The following SLC8A1 variants were observed in gnomAD, a reference collection of about 807,000 sequenced individuals.
The protein encoded by SLC8A1 is solute carrier family 8 member A1.
Under a neutral mutation model 68.3 loss-of-function variants are expected in SLC8A1, and 18 were observed. The ratio of observed to expected loss-of-function variants is 0.26; its 90% confidence interval spans 0.18 to 0.39. The LOEUF (loss-of-function observed/expected upper bound fraction) is 0.39. Ranked by LOEUF, SLC8A1 falls within the 10% of genes least tolerant of loss-of-function variation. The probability of loss-of-function intolerance (pLI) is 1.00; values close to 1 mark genes in which losing one functional copy is unlikely to be tolerated. For missense variants in SLC8A1, 985 were observed against 1,156.7 expected, an observed-to-expected ratio of 0.85 and a Z score of 2.15; for synonymous variants, 475 against 415.5, an observed-to-expected ratio of 1.14 and a Z score of -1.74.
At chr2:40,148,505 A>G (rs1237499275) in intron 6 of SLC8A1, among the ~76,000 whole-genome samples, 1 of 152,180 alleles carries the variant, frequency 6.6e-6, no homozygotes, top group Non-Finnish European at 1.5e-5. Context: ...CAGTCTAATG[A>G]TGGCCTCGGT....
intron 7 of SLC8A1, among the ~76,000 whole-genome samples, chr2:40,129,076 C>T (rs1267867422): frequency 6.6e-6 from 1 of 152,114 alleles, no homozygotes; most frequent in Non-Finnish European, 1.5e-5. Flanking sequence ...TAGCAAGACT[C>T]AGTGAATTTA....
At chr2:40,471,671 T>C (rs11688289) in intron 1 of SLC8A1, among the ~76,000 whole-genome samples, 19,940 of 152,212 alleles carry the variant, frequency 0.13, 1,683 homozygotes, top group Middle Eastern at 0.23. Flanking sequence ...TGTCTGGAAA[T>C]ACCCTATTCA....
At chr2:40,384,787 A>C (rs1683035878) in intron 2 of SLC8A1, among the ~76,000 whole-genome samples, 1 of 152,124 alleles carries the variant, frequency 6.6e-6, no homozygotes, top group South Asian at 2.1e-4. Flanking sequence ...GGCATTTAAA[A>C]ATGTATTAGC....
intron 2 of SLC8A1, among the ~76,000 whole-genome samples, chr2:40,355,174 C>T (rs769653406): frequency 1.3e-5 from 2 of 152,124 alleles, no homozygotes; most frequent in African/African-American, 4.8e-5. Context: ...AACCCCTTCT[C>T]CCCCAAAAGC....
At chr2:40,195,651 G>A (rs1409225871) in intron 2 of SLC8A1, 1 of 152,024 alleles carries the variant, frequency 6.6e-6, no homozygotes, top group African/African-American at 2.4e-5. Context: ...GGAGGTTAAG[G>A]AATCTTGTGG....
At chr2:40,323,106 T>G (rs140493875) in intron 2 of SLC8A1, among the ~76,000 whole-genome samples, 1,865 of 152,298 alleles carry the variant, frequency 0.012, 41 homozygotes, top group African/African-American at 0.043. Context: ...AGAAATATTC[T>G]TATTTGTAAA....
At chr2:40,358,151 C>A (rs1456318660) in intron 2 of SLC8A1, among the ~76,000 whole-genome samples, 1 of 151,286 alleles carries the variant, frequency 6.6e-6, no homozygotes, top group East Asian at 1.9e-4. Context: ...AAGCATTTAT[C>A]CATCCACTCA....
chr2:40,350,432 G>A (rs1670693959), intron 2 of SLC8A1, among the ~76,000 whole-genome samples: 1 of 151,892 alleles, frequency 6.6e-6, no homozygotes, highest in African/African-American at 2.4e-5. Flanking sequence ...AATGAACTGT[G>A]ATCGTGCCAC....
At chr2:40,121,684 G>A (rs530567069) in intron 7 of SLC8A1, among the ~76,000 whole-genome samples, 2 of 152,136 alleles carry the variant, frequency 1.3e-5, no homozygotes, top group Admixed American at 1.3e-4. Context: ...AATAGGGCCT[G>A]GCACTTAATG....
chr2:40,334,050 AAAC>A (rs919522095), intron 2 of SLC8A1, among the ~76,000 whole-genome samples: 11 of 152,166 alleles, frequency 7.2e-5, no homozygotes, highest in African/African-American at 2.4e-4. Flanking sequence ...TCCATCTCAA[AAAC>A]AACAACAACA....
At position 40,302,511 on chromosome 2, in the gene SLC8A1, A is replaced by T. The variant is rs11904816; in HGVS notation, c.1809-124656T>A. On this transcript the variant is annotated intron_variant, in intron 2 of 7. Coordinates refer to ENST00000406785, the Ensembl canonical transcript of SLC8A1. ...ACATATATATCATATATGTGTGTGT[A>T]TACATATATAACATATATATTTACA... Among the ~76,000 whole-genome samples the T allele has an allele frequency of 1.2e-3, 172 of 149,532 alleles. 1 individual carries two copies. Among genetic ancestry groups the T allele is most frequent in the Middle Eastern group, 0.011 (3 of 280 alleles).
exon 8 of SLC8A1, chr2:40,101,215 C>G (rs774018966): frequency 2.0e-5 from 3 of 152,144 alleles, no homozygotes; most frequent in Non-Finnish European, 4.4e-5. Context: ...GGAACTCCAG[C>G]TACTGTATAC....
At chr2:40,226,514 A>T (rs774127296) in intron 2 of SLC8A1, among the ~76,000 whole-genome samples, 1 of 152,118 alleles carries the variant, frequency 6.6e-6, no homozygotes, top group East Asian at 1.9e-4. Flanking sequence ...CTGTACACAG[A>T]TCTTGCCTCT....
intron 1 of SLC8A1, among the ~76,000 whole-genome samples, chr2:40,474,249 T>C (rs1185481719): frequency 6.6e-6 from 1 of 152,200 alleles, no homozygotes; most frequent in African/African-American, 2.4e-5. Flanking sequence ...TAACAGATTG[T>C]CTTCCCTGTG....
chr2:40,231,923 A>ATAAT (rs1230002912), intron 2 of SLC8A1, among the ~76,000 whole-genome samples: 2 of 152,158 alleles, frequency 1.3e-5, no homozygotes, highest in Admixed American at 1.3e-4. Flanking sequence ...TGGGATACCT[A>ATAAT]TAATATAGGA....
chr2:40,426,607 A>C (rs559298044), intron 2 of SLC8A1, among the ~76,000 whole-genome samples: 3 of 152,200 alleles, frequency 2.0e-5, no homozygotes, highest in African/African-American at 7.2e-5. Flanking sequence ...ACTGCTTTTC[A>C]GATAAACCAG....
At chr2:40,403,515 C>T (rs902121774) in intron 2 of SLC8A1, among the ~76,000 whole-genome samples, 1 of 152,146 alleles carries the variant, frequency 6.6e-6, no homozygotes, top group Non-Finnish European at 1.5e-5. Flanking sequence ...TAGGTATTTG[C>T]CCACACTTTC....
exon 1 of SLC8A1, chr2:40,512,354 T>C (rs1243969501): frequency 2.0e-5 from 3 of 152,328 alleles, no homozygotes; most frequent in African/African-American, 7.2e-5. Flanking sequence ...CCTACCTCTG[T>C]CAAGCTTTGG....
In SLC8A1 at chr2:40,377,140, T is replaced by A. The variant is rs148487249; in HGVS notation, c.1808+51333A>T. On this transcript the variant is annotated intron_variant, in intron 2 of 7. Transcript: ENST00000406785. Reference sequence around the variant, plus strand: ...TTTAAGTTACTCAAGGAAGAGTTTATCCCGAGTGAGCCTAGCCTAATCAGG... The same window carrying A: ...TTTAAGTTACTCAAGGAAGAGTTTAACCCGAGTGAGCCTAGCCTAATCAGG... Among the ~76,000 whole-genome samples the A allele has an allele frequency of 1.2e-3, 187 of 152,146 alleles. 2 individuals are homozygous for A. The highest frequency in any genetic ancestry group is 4.4e-3 in the African/African-American group (183 of 41,520).
Sources: gnomAD v4.1 joint callset for allele counts (sites outside exome capture counted in the v4.1 genomes callset) on GRCh38, gnomAD v4.1.1 for gene constraint, MANE v1.5 for transcripts, NCBI Gene and HGNC (gene_info 2026-07-23, HGNC 2026-07-21) for gene names.